Variants in RPF2 observed in about 807,000 individuals in gnomAD.
RPF2 encodes brix domain containing 1.
A neutral mutation model predicts 38.9 loss-of-function variants in RPF2; 21 were observed. The ratio of observed to expected loss-of-function variants is 0.54; its 90% CI spans 0.38 to 0.78. The LOEUF is 0.78. RPF2 is among the 30% of genes least tolerant of loss of function. The pLI, the probability that RPF2 is intolerant of heterozygous loss-of-function variation, is 0.00. For missense variants in RPF2, 314 were observed against 358.1 expected (o/e 0.88, Z 0.99); for synonymous variants, 121 against 126.2 (o/e 0.96, Z 0.28).
chr6:111,017,467 C>G (rs1275355484), intron 8 of RPF2, among the ~76,000 whole-genome samples: 1 of 149,722 alleles, frequency 6.7e-6, no homozygotes, highest in Non-Finnish European at 1.5e-5. Context: ...GGGGCGGCTG[C>G]CGGGCGGAGG....
chr6:110,997,390 T>G, intron 5 of RPF2, 126 bp downstream of exon 5: 1 of 632,666 alleles, frequency 1.6e-6, no homozygotes, highest in Non-Finnish European at 2.8e-6. Flanking sequence ...CCAAGAGGCA[T>G]AGGCAGAGTA....
At chr6:111,003,967 C>T (rs1035029992) in intron 6 of RPF2, among the ~76,000 whole-genome samples, 5 of 151,676 alleles carry the variant, frequency 3.3e-5, no homozygotes, top group African/African-American at 1.2e-4. Flanking sequence ...TGTGCGCCAC[C>T]ACACCCAGCT....
intron 8 of RPF2, among the ~76,000 whole-genome samples, chr6:111,022,302 T>C (rs185332081): frequency 6.2e-4 from 95 of 152,350 alleles, no homozygotes; most frequent in South Asian, 1.7e-3. Context: ...GTAATGTCAC[T>C]CTTCCTCAAG....
At chr6:110,982,808 A>G (rs1017230821) in intron 1 of RPF2, among the ~76,000 whole-genome samples, 13 of 152,262 alleles carry the variant, frequency 8.5e-5, no homozygotes, top group African/African-American at 2.7e-4. Context: ...TTAGTCATTC[A>G]GAGATTTTGC....
chr6:111,019,642 C>T (rs552267479), intron 8 of RPF2, among the ~76,000 whole-genome samples: 1 of 151,960 alleles, frequency 6.6e-6, no homozygotes, highest in African/African-American at 2.4e-5. Flanking sequence ...GAGGCTGAGG[C>T]TGGAGAATTG....
Position 110,996,224 on chromosome 6 carries a change from G to A in RPF2, c.235-959G>A, listed in dbSNP as rs370888134. On this transcript the variant is annotated intron_variant, in intron 4 of 9. Coordinates refer to ENST00000441448, the MANE Select transcript of RPF2 (RefSeq NM_032194.3). ...GGTATGCAATGCTTTTGTTGCCCAG[G>A]CTGGAGTGCAATGGTGTGATCTTGG... is the stretch of plus-strand genomic sequence containing the variant. Among the ~76,000 whole-genome samples the A allele has an allele frequency of 2.6e-4, 39 of 151,916 alleles. No individual in the cohort carries two copies. The South Asian group carries it at 6.4e-3, about 25-fold the overall frequency.
At position 111,008,104 on chromosome 6, in the gene RPF2, G is replaced by T; in HGVS notation, c.460G>T (p.Glu154Ter). 1 of 1,595,024 alleles carries T rather than the reference G, an allele frequency of 6.3e-7. No homozygotes were observed. Among genetic ancestry groups the T allele is most frequent in the Admixed American group, 1.7e-5 (1 of 58,456 alleles). ...IFAGDDFDVT[E>*]DYRRLKSLLI... ...TGCTGGCGATGATTTCGATGTAACA[G>T]AAGATTATAGAAGACTAAAAAGTCT... The change falls in exon 7 of 10, where the codon GAA (glutamate) becomes TAA (stop). Residue 154 changes from glutamate to a stop codon, truncating the protein, a stop_gained. Transcript: ENST00000441448. LOFTEE classifies it high-confidence loss of function.
chr6:111,015,563 A>G (rs188146612), intron 7 of RPF2, among the ~76,000 whole-genome samples, 191 bp from the exon 8 acceptor site: 3 of 152,360 alleles, frequency 2.0e-5, no homozygotes, highest in Non-Finnish European at 4.4e-5. Flanking sequence ...AGTGAACTGA[A>G]CACCAAAATA....
chr6:111,004,437 C>T (rs1771873043), intron 6 of RPF2, among the ~76,000 whole-genome samples: 1 of 152,146 alleles, frequency 6.6e-6, no homozygotes, highest in African/African-American at 2.4e-5. Flanking sequence ...CCACCTCGGC[C>T]TCCCAGAGTG....
Position 111,012,162 on chromosome 6 carries a change from A to ATTTTTTT in RPF2, c.494-3583_494-3577dup, listed in dbSNP as rs570516659. On this transcript the variant is annotated intron_variant, in intron 7 of 9. Coordinates refer to ENST00000441448, the MANE Select transcript of RPF2 (RefSeq NM_032194.3). ...TGTTCATTCTTAATTTGTTTACATC[A>ATTTTTTT]TTTTTTTTTTTTTTTCTTTTTTTGA... 7.5e-4 allele frequency among the ~76,000 whole-genome samples: 87 copies of ATTTTTTT among 115,630 alleles called. 1 individual carries two copies. Among genetic ancestry groups the ATTTTTTT allele is most frequent in the East Asian group, 6.5e-3 (22 of 3,382 alleles). 75.9% of individuals were successfully genotyped at this position (115,630 alleles called of 152,430 possible).
intron 8 of RPF2, among the ~76,000 whole-genome samples, chr6:111,020,126 G>A (rs1048468680): frequency 3.3e-5 from 5 of 152,138 alleles, no homozygotes; most frequent in African/African-American, 1.2e-4. Flanking sequence ...CACCATGTTA[G>A]TCAGGATGGT....
Position 111,024,854 on chromosome 6 carries a change from T to G in RPF2, c.741+527T>G, listed in dbSNP as rs1004585614. On this transcript the variant is annotated intron_variant, in intron 9 of 9. Transcript: ENST00000441448. ...GAGTTGCAAAACCCAGACATGAGGT[T>G]TGGCTAAGTGCCTTCTGATAGTCAA... 4.6e-5 allele frequency among the ~76,000 whole-genome samples: 7 copies of G among 152,226 alleles called. No individual in the cohort carries two copies. The South Asian group carries it at 1.4e-3, about 32-fold the overall frequency.
intron 4 of RPF2, among the ~76,000 whole-genome samples, chr6:110,994,650 G>A (rs1771676723): frequency 6.6e-6 from 1 of 150,638 alleles, no homozygotes; most frequent in Non-Finnish European, 1.5e-5. Context: ...TTATTATATG[G>A]CTTTTTGCAG....
Position 110,982,076 on chromosome 6 carries a change from C to G in RPF2, c.-31C>G. On this transcript the variant is annotated 5_prime_UTR_variant, in exon 1 of 10. Coordinates refer to ENST00000441448, the MANE Select transcript of RPF2 (RefSeq NM_032194.3). ...TAATCGCCGAGGGCACGTGCATGCCCCCTGGTTAAGAGTTGCAGGTAGCGG... is the reference window on the plus strand; with the variant it reads ...TAATCGCCGAGGGCACGTGCATGCCGCCTGGTTAAGAGTTGCAGGTAGCGG... 2 of 1,614,016 alleles carry G rather than the reference C, an allele frequency of 1.2e-6. No homozygotes were observed. The highest frequency in any genetic ancestry group is 1.1e-5 in the South Asian group (1 of 91,090).
chr6:111,016,414 G>A (rs1369508463), intron 8 of RPF2, among the ~76,000 whole-genome samples: 4 of 152,044 alleles, frequency 2.6e-5, no homozygotes, highest in Non-Finnish European at 5.9e-5. Flanking sequence ...CCAACATGAC[G>A]AAACCCCATC....
At chr6:111,015,673 A>T (rs1001879439) in intron 7 of RPF2, 81 bp from the exon 8 acceptor site, 11 of 967,006 alleles carry the variant, frequency 1.1e-5, no homozygotes, top group Non-Finnish European at 1.8e-5. Flanking sequence ...TTGGAGCAAA[A>T]CTGTTTAGAG....
chr6:110,986,304 G>A (rs1391917359), intron 2 of RPF2, among the ~76,000 whole-genome samples: 1 of 152,162 alleles, frequency 6.6e-6, no homozygotes, highest in Non-Finnish European at 1.5e-5. Flanking sequence ...AGGGTTGAGA[G>A]CAAATGTAGG....
intron 1 of RPF2, among the ~76,000 whole-genome samples, chr6:110,984,005 G>A (rs1056497247): frequency 2.6e-5 from 4 of 151,986 alleles, no homozygotes; most frequent in African/African-American, 9.7e-5. Context: ...CTCCAGCCTG[G>A]GCGACAGAGC....
At chr6:110,999,640 C>T (rs1771778883) in intron 5 of RPF2, 71 bp from the exon 6 acceptor site, 1 of 921,584 alleles carries the variant, frequency 1.1e-6, no homozygotes, top group Admixed American at 1.8e-5. Flanking sequence ...TTTGAATACA[C>T]AGCTCTTGTG....
Sources: allele counts gnomAD v4.1 joint callset (sites outside exome capture counted in the v4.1 genomes callset), GRCh38; gene constraint gnomAD v4.1.1; transcripts MANE v1.5; gene names NCBI Gene and HGNC (gene_info 2026-07-23, HGNC 2026-07-21).